The following SNTB1 variants were observed in gnomAD, a reference collection of about 807,000 sequenced individuals.
SNTB1 encodes syntrophin beta 1.
SNTB1 carries 36 observed loss-of-function variants against 48.9 expected under a neutral mutation model. That is an observed-to-expected ratio of 0.74 (90% CI 0.56 to 0.97). The LOEUF (loss-of-function observed/expected upper bound fraction) is 0.97, where lower values mean the gene tolerates loss of function less well. Among genes scored for constraint, SNTB1 ranks in the 50% least tolerant of loss-of-function variants. The pLI is 0.00. For synonymous variants in SNTB1, 299 were observed against 294.6 expected (o/e 1.01, Z -0.15); for missense variants, 786 against 703.4 (o/e 1.12, Z -1.33).
intron 1 of SNTB1, chr8:120,768,695 T>G (rs983789970): frequency 2.6e-5 from 4 of 152,236 alleles, no homozygotes; most frequent in African/African-American, 9.7e-5. Flanking sequence ...CCTGTGAATG[T>G]GCTTCAAGTC....
rs749110082 is a variant in SNTB1 at position 120,811,649 on chromosome 8, A to G, written c.195T>C (p.Asn65=). ...CCCCGGCGCCCCTGCAGAACGAGCC[A>G]TTGGTGGCGGTCCCGATGCCGTTGT... The part of the protein sequence containing the change: ...AAYNGIGTAT[N]GSFCRGAGAG... Residue 65 remains asparagine, a synonymous_variant, in exon 1 of 7, where the codon AAT becomes AAC. Transcript: ENST00000517992. 6.3e-7 allele frequency: 1 copy of G among 1,594,100 alleles called. No individual in the cohort carries two copies. The highest frequency in any genetic ancestry group is 8.5e-7 in the Non-Finnish European group (1 of 1,173,746).
At chr8:120,613,837 T>C (rs1031781903) in intron 3 of SNTB1, among the ~76,000 whole-genome samples, 1 of 152,218 alleles carries the variant, frequency 6.6e-6, no homozygotes, top group Admixed American at 6.5e-5. Flanking sequence ...ACTTTTCAGT[T>C]ATTTGATTGT....
intron 2 of SNTB1, among the ~76,000 whole-genome samples, chr8:120,675,081 CA>C (rs1254551251): frequency 6.6e-6 from 1 of 152,140 alleles, no homozygotes; most frequent in East Asian, 1.9e-4. Context: ...GCTAAAATTG[CA>C]GTAACAAATA....
At chr8:120,780,524 G>T (rs1260767648) in intron 1 of SNTB1, among the ~76,000 whole-genome samples, 4 of 152,152 alleles carry the variant, frequency 2.6e-5, no homozygotes, top group Non-Finnish European at 4.4e-5. Flanking sequence ...TGATAATGAG[G>T]TTTTCTAAAT....
chr8:120,553,855 G>A (rs1049256234), intron 4 of SNTB1, among the ~76,000 whole-genome samples: 3 of 152,118 alleles, frequency 2.0e-5, no homozygotes, highest in African/African-American at 7.2e-5. Flanking sequence ...AAACTTAGCC[G>A]GTTGTGGTGG....
At chr8:120,567,243 A>G (rs73705090) in intron 4 of SNTB1, among the ~76,000 whole-genome samples, 29,843 of 152,138 alleles carry the variant, frequency 0.2, 3,038 homozygotes, top group Middle Eastern at 0.3. Flanking sequence ...CCCCAACCCC[A>G]GCCTAAGCCA....
rs190151548 is a variant in SNTB1, at chr8:120,572,424, A to G, written c.1136+2662T>C. On this transcript the variant is annotated intron_variant, in intron 4 of 6. Transcript: ENST00000517992. Reference sequence around the variant, plus strand: ...AGCTTGCAGGTAAAGAAACAGGTGTAGAAGGAATACAAACAGCTCACTGTC... The same window carrying G: ...AGCTTGCAGGTAAAGAAACAGGTGTGGAAGGAATACAAACAGCTCACTGTC... 2.5e-3 allele frequency among the ~76,000 whole-genome samples: 377 copies of G among 152,342 alleles called. 2 individuals are homozygous for G. Among genetic ancestry groups the G allele is most frequent in the African/African-American group, 8.8e-3 (368 of 41,584 alleles).
At chr8:120,741,631 A>G (rs1049989288) in intron 1 of SNTB1, among the ~76,000 whole-genome samples, 1 of 152,212 alleles carries the variant, frequency 6.6e-6, no homozygotes, top group Non-Finnish European at 1.5e-5. Flanking sequence ...ACAAACACAC[A>G]AACAAAGAAA....
intron 4 of SNTB1, among the ~76,000 whole-genome samples, chr8:120,567,329 C>CTTT: frequency 6.6e-6 from 1 of 151,712 alleles, no homozygotes; most frequent in Non-Finnish European, 1.5e-5. Flanking sequence ...GCAAGGTTTG[C>CTTT]AAACCCTAAT....
intron 1 of SNTB1, among the ~76,000 whole-genome samples, chr8:120,746,546 T>C (rs1819129384): frequency 6.6e-6 from 1 of 152,166 alleles, no homozygotes; most frequent in South Asian, 2.1e-4. Flanking sequence ...CCACAAAGCC[T>C]AAAATATTTA....
rs1393729766 is a variant in SNTB1, at chr8:120,693,777, AGGACTGCGATGAC to A, written c.690_702del (p.Ser232ProfsTer41). 1 of 1,613,874 alleles carries A rather than the reference AGGACTGCGATGAC, an allele frequency of 6.2e-7. No homozygotes were observed. The highest frequency in any genetic ancestry group is 1.3e-5 in the African/African-American group (1 of 74,914). On this transcript the variant is annotated frameshift_variant, in exon 2 of 7. Coordinates refer to ENST00000517992, the MANE Select transcript of SNTB1 (RefSeq NM_021021.4). LOFTEE classifies it high-confidence loss of function. ...CTTTTCCGGTCTCTGTGGAAGGAGA[AGGACTGCGATGAC>A]GGGGGGTCTGAGGTGCTGCCCCCTA...
At chr8:120,694,019 T>C in intron 1 of SNTB1, 111 bp from the exon 2 acceptor site, 1 of 795,964 alleles carries the variant, frequency 1.3e-6, no homozygotes, top group East Asian at 2.5e-5. Flanking sequence ...AATACTGAAC[T>C]TCTTAAATTC....
intron 1 of SNTB1, among the ~76,000 whole-genome samples, chr8:120,784,767 T>C (rs1247543644): frequency 6.6e-6 from 1 of 152,178 alleles, no homozygotes; most frequent in Non-Finnish European, 1.5e-5. Flanking sequence ...CTGTAAACAG[T>C]TTTCCAAGAA....
rs528116877 is a variant in SNTB1 at position 120,801,104 on chromosome 8, A to C, written c.571+10169T>G. 2.6e-5 allele frequency among the ~76,000 whole-genome samples: 4 copies of C among 152,164 alleles called. No individual in the cohort carries two copies. The South Asian group carries it at 8.3e-4, about 32-fold the overall frequency. On this transcript the variant is annotated intron_variant, in intron 1 of 6. Coordinates refer to ENST00000517992, the MANE Select transcript of SNTB1 (RefSeq NM_021021.4). ...CTGTAATCATATGTTATTTTGATTT[A>C]GAAAAATTCTAAAAATGAAGCAGAG... is the stretch of plus-strand genomic sequence containing the variant.
chr8:120,700,138 C>T (rs924404421), intron 1 of SNTB1, among the ~76,000 whole-genome samples: 5 of 149,002 alleles, frequency 3.4e-5, no homozygotes, highest in African/African-American at 1.0e-4. Context: ...TACTGATTCT[C>T]GCTCTGAAAA....
rs548337963 is a variant in SNTB1, at chr8:120,564,279, C to T, written c.1136+10807G>A. ...TGGGGCCCTGATATGATAGGATTAG[C>T]GTCCTCAAAATGCTAAGAGACAATA... On this transcript the variant is annotated intron_variant, in intron 4 of 6. Coordinates refer to ENST00000517992, the MANE Select transcript of SNTB1 (RefSeq NM_021021.4). 1.1e-4 allele frequency among the ~76,000 whole-genome samples: 16 copies of T among 152,168 alleles called. No individual in the cohort carries two copies. In the East Asian group the frequency reaches 2.5e-3, roughly 24 times the overall value.
intron 1 of SNTB1, among the ~76,000 whole-genome samples, chr8:120,720,637 C>A (rs1336409903): frequency 1.3e-5 from 2 of 152,208 alleles, no homozygotes; most frequent in African/African-American, 4.8e-5. Flanking sequence ...CTATGAAGAG[C>A]ATTGATCAGT....
chr8:120,630,066 G>C (rs1816954872), intron 3 of SNTB1, among the ~76,000 whole-genome samples: 1 of 152,206 alleles, frequency 6.6e-6, no homozygotes, highest in Non-Finnish European at 1.5e-5. Flanking sequence ...TGAGAGAAAA[G>C]TACCTTCAAG....
At chr8:120,555,488 G>C (rs911476251) in intron 4 of SNTB1, among the ~76,000 whole-genome samples, 2 of 152,134 alleles carry the variant, frequency 1.3e-5, no homozygotes, top group Admixed American at 1.3e-4. Flanking sequence ...GCTTCTTGCT[G>C]TACACGTGGC....
Sources: gnomAD v4.1 joint callset for allele counts (sites outside exome capture counted in the v4.1 genomes callset) on GRCh38, gnomAD v4.1.1 for gene constraint, MANE v1.5 for transcripts, NCBI Gene and HGNC (gene_info 2026-07-23, HGNC 2026-07-21) for gene names.